The following HIVEP2 variants were observed in gnomAD, a reference collection of about 807,000 sequenced individuals.
HIVEP2 encodes HIVEP zinc finger 2.
HIVEP2 carries 14 observed loss-of-function variants against 180.7 expected under a neutral mutation model. The observed-to-expected ratio is 0.08, with a 90% CI of 0.05 to 0.12. The LOEUF (loss-of-function observed/expected upper bound fraction) is 0.12, where lower values mean the gene tolerates loss of function less well. HIVEP2 is among the 10% of genes least tolerant of loss of function. The pLI, the probability that HIVEP2 is intolerant of heterozygous loss-of-function variation, is 1.00. For synonymous variants in HIVEP2, 1,184 were observed against 1,136.4 expected (o/e 1.04, Z -0.84); for missense variants, 2,579 against 3,008.5 (o/e 0.86, Z 3.34).
intron 1 of HIVEP2, among the ~76,000 whole-genome samples, chr6:142,881,934 C>CT (rs1776582855): frequency 6.6e-6 from 1 of 152,210 alleles, no homozygotes; most frequent in South Asian, 2.1e-4. Context: ...CTGCCAACCT[C>CT]TGTCACAGGA....
Position 142,772,594 on chromosome 6 carries a change from G to A in HIVEP2, c.2145C>T (p.Ser715=). The A allele has an allele frequency of 1.2e-6, 2 of 1,614,206 alleles. No individual in the cohort carries two copies. Among genetic ancestry groups the A allele is most frequent in the African/African-American group, 1.3e-5 (1 of 75,050 alleles). Residue 715 remains serine (S), a synonymous_variant, in exon 5 of 10, where the codon AGC becomes AGT. Coordinates refer to ENST00000367603, the MANE Select transcript of HIVEP2 (RefSeq NM_006734.4). This position sits in a 1 kb window ranked among gnomAD's most constrained non-coding sequence, Gnocchi z 4.9. ...TGATGCCCACAGGAGTGCTTACAAT[G>A]CTGCTGCAGATCATGGGCGTGTCCT... ...DEEDTPMICS[S]IVSTPVGIMA...
chr6:142,808,113 A>G (rs1033424485), intron 2 of HIVEP2, among the ~76,000 whole-genome samples: 1 of 152,202 alleles, frequency 6.6e-6, no homozygotes, highest in Admixed American at 6.5e-5. Context: ...GCTAGGCTGT[A>G]GAAAGATGGC....
intron 7 of HIVEP2, among the ~76,000 whole-genome samples, chr6:142,763,263 T>C (rs1227841398): frequency 6.6e-6 from 1 of 151,784 alleles, no homozygotes; most frequent in Non-Finnish European, 1.5e-5. Context: ...GGAAGGAGAG[T>C]GGCGGGGGAG....
Position 142,876,497 on chromosome 6 carries a change from T to C in HIVEP2, c.-640-39450A>G, listed in dbSNP as rs574587045. On this transcript the variant is annotated intron_variant, in intron 1 of 9. Coordinates refer to ENST00000367603, the MANE Select transcript of HIVEP2 (RefSeq NM_006734.4). Reference sequence around the variant, plus strand: ...GACAGAAGCTTCCATAGTAGACAGGTGCAGTGATGAGAGCCTGCATTAGTA... The same window carrying C: ...GACAGAAGCTTCCATAGTAGACAGGCGCAGTGATGAGAGCCTGCATTAGTA... 8.8e-4 allele frequency among the ~76,000 whole-genome samples: 134 copies of C among 152,192 alleles called. 1 individual carries two copies. The highest frequency in any genetic ancestry group is 3.2e-3 in the African/African-American group (131 of 41,528).
intron 3 of HIVEP2, among the ~76,000 whole-genome samples, chr6:142,778,405 T>C (rs1371314958): frequency 1.3e-5 from 2 of 152,178 alleles, no homozygotes; most frequent in African/African-American, 4.8e-5. Flanking sequence ...TAGAGGTAAA[T>C]AAATACCCTC....
chr6:142,926,047 A>C (rs1449935550), intron 1 of HIVEP2, among the ~76,000 whole-genome samples: 1 of 152,228 alleles, frequency 6.6e-6, no homozygotes, highest in African/African-American at 2.4e-5. Flanking sequence ...GACACGTAAG[A>C]TTCAAGTTAC....
At chr6:142,907,281 G>A (rs1431128241) in intron 1 of HIVEP2, among the ~76,000 whole-genome samples, 1 of 152,152 alleles carries the variant, frequency 6.6e-6, no homozygotes, top group Non-Finnish European at 1.5e-5. Context: ...TTTGAATACA[G>A]GCAATTCTCA....
intron 7 of HIVEP2, among the ~76,000 whole-genome samples, chr6:142,762,492 ACAT>A (rs1775274196): frequency 2.2e-5 from 2 of 89,822 alleles, no homozygotes; most frequent in African/African-American, 8.9e-5. Flanking sequence ...ACACACACAC[ACAT>A]ACATATAAAT....
chr6:142,886,260 T>C (rs529043467), intron 1 of HIVEP2, among the ~76,000 whole-genome samples: 37 of 152,344 alleles, frequency 2.4e-4, no homozygotes, highest in African/African-American at 7.5e-4. Context: ...AGTATTTTAA[T>C]TGAGCAAATG....
At chr6:142,763,743 G>A (rs1275883241) in intron 7 of HIVEP2, among the ~76,000 whole-genome samples, 1 of 152,192 alleles carries the variant, frequency 6.6e-6, no homozygotes, top group Non-Finnish European at 1.5e-5. Flanking sequence ...GTGCAGAGGT[G>A]AGTGGTATTT....
intron 2 of HIVEP2, among the ~76,000 whole-genome samples, chr6:142,800,723 G>A (rs146744235): frequency 5.0e-4 from 76 of 152,162 alleles, no homozygotes; most frequent in African/African-American, 1.7e-3. Context: ...CCCTCAAAAT[G>A]CATAGAAGAT....
At chr6:142,836,913 G>C (rs1186016236) in intron 2 of HIVEP2, 22 bp downstream of exon 2, 2 of 152,008 alleles carry the variant, frequency 1.3e-5, no homozygotes, top group Non-Finnish European at 2.9e-5. Flanking sequence ...AAACCATATA[G>C]AAAGCACTTG....
chr6:142,850,441 C>T (rs1582911845), intron 1 of HIVEP2, among the ~76,000 whole-genome samples: 1 of 152,252 alleles, frequency 6.6e-6, no homozygotes. Flanking sequence ...AATCGCATAA[C>T]ACTGTGGGGA....
intron 2 of HIVEP2, among the ~76,000 whole-genome samples, chr6:142,804,854 T>TA (rs947007235): frequency 5.3e-4 from 81 of 151,954 alleles, no homozygotes; most frequent in Middle Eastern, 3.4e-3. Flanking sequence ...GAGAAAGGCT[T>TA]AAAAAAAATC....
At chr6:142,851,446 A>C (rs1775669601) in intron 1 of HIVEP2, among the ~76,000 whole-genome samples, 1 of 152,272 alleles carries the variant, frequency 6.6e-6, no homozygotes, top group South Asian at 2.1e-4. Flanking sequence ...TGAAAGATCT[A>C]GAAACGGTAA....
In HIVEP2 at chr6:142,775,115, G is replaced by T; in HGVS notation, c.-377C>A. The T allele has an allele frequency of 1.0e-6, 1 of 986,546 alleles. No individual in the cohort carries two copies. Among genetic ancestry groups the T allele is most frequent in the Non-Finnish European group, 1.2e-6 (1 of 831,694 alleles). 61.1% of individuals were successfully genotyped at this position (986,546 alleles called of 1,614,324 possible). On this transcript the variant is annotated 5_prime_UTR_variant, in exon 5 of 10. Coordinates refer to ENST00000367603, the MANE Select transcript of HIVEP2 (RefSeq NM_006734.4). ...AAAGTTCAATTGCCAGTTTCACTAA[G>T]ATAAAATGATCTGAAGAAAAAGAAA...
rs764306636 is a variant in HIVEP2 at position 142,773,495 on chromosome 6, T to C, written c.1244A>G (p.Asn415Ser). Residue 415 changes from asparagine (N) to serine (S), a missense_variant, in exon 5 of 10, where the codon AAC becomes AGC. By Grantham distance (46) the Asn-to-Ser change is conservative. Transcript: ENST00000367603. ...ESAEQQISPPNTNAKSYEEII... is the reference protein window; with the variant it reads ...ESAEQQISPPSTNAKSYEEII... ...TTCTTCATAAGACTTTGCATTTGTGTTGGGAGGGCTTATTTGCTGCTCAGC... is the reference window on the plus strand; with the variant it reads ...TTCTTCATAAGACTTTGCATTTGTGCTGGGAGGGCTTATTTGCTGCTCAGC... 3 of 1,614,236 alleles carry C rather than the reference T, an allele frequency of 1.9e-6. No homozygotes were observed. Among genetic ancestry groups the C allele is most frequent in the South Asian group, 1.1e-5 (1 of 91,086 alleles).
At chr6:142,832,064 G>A (rs1047388167) in intron 2 of HIVEP2, among the ~76,000 whole-genome samples, 4 of 151,726 alleles carry the variant, frequency 2.6e-5, no homozygotes, top group African/African-American at 9.7e-5. Flanking sequence ...ATGGTGGTGG[G>A]TGCCTGTATA....
At chr6:142,838,708 A>C (rs898515882) in intron 1 of HIVEP2, among the ~76,000 whole-genome samples, 2 of 152,130 alleles carry the variant, frequency 1.3e-5, no homozygotes, top group Non-Finnish European at 1.5e-5. Context: ...AAGATGCAGG[A>C]CAAACTTCAA....
Sources: gnomAD v4.1 joint callset for allele counts (sites outside exome capture counted in the v4.1 genomes callset) on GRCh38, gnomAD v4.1.1 for gene constraint, Gnocchi (gnomAD v3.1) non-coding constraint, MANE v1.5 for transcripts, NCBI Gene and HGNC (gene_info 2026-07-23, HGNC 2026-07-21) for gene names.